OLA1: variants seen among roughly 807,000 people sequenced by gnomAD.
The protein encoded by OLA1 is Obg like ATPase 1.
A neutral mutation model predicts 48.4 loss-of-function variants in OLA1; 14 were observed. The observed-to-expected ratio is 0.29, with a 90% CI of 0.19 to 0.45. OLA1 has a LOEUF of 0.45. Ranked by LOEUF, OLA1 falls within the 20% of genes least tolerant of loss-of-function variation. The pLI is 1.00. For missense variants in OLA1, 325 were observed against 467.1 expected, an observed-to-expected ratio of 0.70 and a Z score of 2.80; for synonymous variants, 127 against 150.4, an observed-to-expected ratio of 0.84 and a Z score of 1.14.
intron 2 of OLA1, among the ~76,000 whole-genome samples, chr2:174,234,545 C>A (rs1361076148): frequency 6.6e-6 from 1 of 152,120 alleles, no homozygotes; most frequent in Non-Finnish European, 1.5e-5. Flanking sequence ...CTCACTGCAG[C>A]CTTGACCTCC....
intron 5 of OLA1, among the ~76,000 whole-genome samples, chr2:174,141,596 A>G (rs540656172): frequency 2.0e-5 from 3 of 152,110 alleles, no homozygotes; most frequent in Non-Finnish European, 4.4e-5. Flanking sequence ...TCATGTAAAC[A>G]CTCACTATTA....
chr2:174,081,584 C>T (rs1337220692), intron 8 of OLA1, among the ~76,000 whole-genome samples: 2 of 151,984 alleles, frequency 1.3e-5, no homozygotes, highest in African/African-American at 4.8e-5. Context: ...GATATTTAAA[C>T]AATATATTAC....
intron 5 of OLA1, among the ~76,000 whole-genome samples, chr2:174,131,704 G>A (rs1686185582): frequency 6.6e-6 from 1 of 151,966 alleles, no homozygotes; most frequent in African/African-American, 2.4e-5. Flanking sequence ...TGATTAATGA[G>A]GAATTTCTTC....
chr2:174,230,710 A>T (rs1350454536), intron 2 of OLA1, among the ~76,000 whole-genome samples: 5 of 152,184 alleles, frequency 3.3e-5, no homozygotes, highest in African/African-American at 1.2e-4. Context: ...ATTTTATAAG[A>T]CTAAAAACCA....
chr2:174,088,943 C>T (rs1259249987), intron 7 of OLA1, among the ~76,000 whole-genome samples: 1 of 152,108 alleles, frequency 6.6e-6, no homozygotes, highest in East Asian at 1.9e-4. Context: ...ATGTAAGAGA[C>T]TTCAAGTTTC....
At chr2:174,128,210 T>C (rs527857498) in intron 5 of OLA1, among the ~76,000 whole-genome samples, 2 of 151,570 alleles carry the variant, frequency 1.3e-5, no homozygotes, top group African/African-American at 2.4e-5. Flanking sequence ...TTGGGCAACA[T>C]AGTGAGACCC....
At chr2:174,129,569 T>C (rs966425782) in intron 5 of OLA1, among the ~76,000 whole-genome samples, 3 of 151,544 alleles carry the variant, frequency 2.0e-5, no homozygotes, top group Non-Finnish European at 2.9e-5. Flanking sequence ...TATATATAAA[T>C]AGACATACTC....
chr2:174,218,483 C>T (rs1183711232), intron 4 of OLA1, among the ~76,000 whole-genome samples: 3 of 152,152 alleles, frequency 2.0e-5, no homozygotes, highest in Non-Finnish European at 4.4e-5. Flanking sequence ...ACCTCAGCAG[C>T]ACTTGTTTAG....
At chr2:174,078,937 G>A (rs1684805150) in intron 10 of OLA1, 31 bp downstream of exon 10, 8 of 1,584,612 alleles carry the variant, frequency 5.0e-6, no homozygotes, top group Non-Finnish European at 6.9e-6. Context: ...TGGAAACATT[G>A]TGAAATACAA....
At chr2:174,119,849 C>A (rs1159344802) in intron 7 of OLA1, among the ~76,000 whole-genome samples, 1 of 151,992 alleles carries the variant, frequency 6.6e-6, no homozygotes, top group African/African-American at 2.4e-5. Flanking sequence ...GAATCAATTT[C>A]ATCACTCAGA....
intron 7 of OLA1, among the ~76,000 whole-genome samples, chr2:174,109,722 T>TTC (rs1685603502): frequency 6.6e-6 from 1 of 152,170 alleles, no homozygotes; most frequent in African/African-American, 2.4e-5. Flanking sequence ...TTCTGTATAA[T>TTC]TTTTCAAAAT....
At chr2:174,156,966 T>C (rs1366392157) in intron 4 of OLA1, among the ~76,000 whole-genome samples, 1 of 151,526 alleles carries the variant, frequency 6.6e-6, no homozygotes, top group Non-Finnish European at 1.5e-5. Context: ...CACAAAGTAG[T>C]TGACTGTTGG....
In OLA1 at chr2:174,150,776, T is replaced by G. The variant is rs572604278; in HGVS notation, c.374-8776A>C. On this transcript the variant is annotated intron_variant, in intron 4 of 10. Transcript: ENST00000284719. ...AAAAGTCAAAATAAAAGGATCTTGA[T>G]CTCAGTAACTGGACAATCTGGTTAG... Among the ~76,000 whole-genome samples the G allele has an allele frequency of 3.9e-5, 6 of 152,316 alleles. No homozygotes were observed. In the South Asian group the frequency reaches 1.0e-3, roughly 26 times the overall value.
chr2:174,089,531 G>A (rs1685058179), intron 7 of OLA1, among the ~76,000 whole-genome samples: 1 of 152,148 alleles, frequency 6.6e-6, no homozygotes, highest in African/African-American at 2.4e-5. Context: ...TAAGGAAAAT[G>A]TTTGCTCTGA....
At chr2:174,220,598 A>G (rs985069100) in intron 4 of OLA1, among the ~76,000 whole-genome samples, 20 of 152,214 alleles carry the variant, frequency 1.3e-4, no homozygotes, top group Non-Finnish European at 4.4e-5. Context: ...CACACTTATA[A>G]GAGTCAAATC....
chr2:174,125,732 C>T lies in OLA1; in HGVS notation c.550-2057G>A, dbSNP rs115019540. 8.0e-3 allele frequency among the ~76,000 whole-genome samples: 1,216 copies of T among 152,230 alleles called. 18 individuals carry two copies. The highest frequency in any genetic ancestry group is 0.028 in the African/African-American group (1,145 of 41,554). ...AAATCTTATCACAAAAGCATTTTGG[C>T]ATTTGCTTTTTCTCACATTACAAAT... On this transcript the variant is annotated intron_variant, in intron 5 of 10. Transcript: ENST00000284719.
chr2:174,078,481 C>T (rs969568980), intron 10 of OLA1, among the ~76,000 whole-genome samples: 4 of 151,892 alleles, frequency 2.6e-5, no homozygotes, highest in Admixed American at 1.3e-4. Context: ...TTTGGACCTG[C>T]CCTCTAGTGT....
intron 5 of OLA1, 78 bp downstream of exon 5, chr2:174,141,747 T>A (rs184150745): frequency 5.8e-6 from 6 of 1,032,888 alleles, no homozygotes; most frequent in Non-Finnish European, 8.5e-6. Flanking sequence ...ATTAGATGTA[T>A]CATATGCATT....
intron 4 of OLA1, among the ~76,000 whole-genome samples, chr2:174,177,134 G>GA (rs1177806690): frequency 1.3e-5 from 2 of 152,040 alleles, no homozygotes; most frequent in African/African-American, 4.8e-5. Context: ...TCACAGTTTG[G>GA]AACTAGATCT....
Sources: gnomAD v4.1 joint callset for allele counts (sites outside exome capture counted in the v4.1 genomes callset) on GRCh38, gnomAD v4.1.1 for gene constraint, MANE v1.5 for transcripts, NCBI Gene and HGNC (gene_info 2026-07-23, HGNC 2026-07-21) for gene names.